SNTB1: variants seen among roughly 807,000 people sequenced by gnomAD.
The protein encoded by SNTB1 is beta-1-syntrophin.
In SNTB1, 36 loss-of-function variants were observed where a neutral mutation model predicts 48.9. That is an observed-to-expected ratio of 0.74 (90% CI 0.56 to 0.97). The LOEUF (loss-of-function observed/expected upper bound fraction) is 0.97, where lower values mean the gene tolerates loss of function less well. SNTB1 is among the 50% of genes least tolerant of loss of function. The probability of loss-of-function intolerance (pLI) is 0.00; values close to 1 mark genes in which losing one functional copy is unlikely to be tolerated. For missense variants in SNTB1, 786 were observed against 703.4 expected (o/e 1.12, Z -1.33); for synonymous variants, 299 against 294.6 (o/e 1.01, Z -0.15).
intron 2 of SNTB1, among the ~76,000 whole-genome samples, chr8:120,673,498 C>T (rs977677638): frequency 4.6e-5 from 7 of 152,018 alleles, no homozygotes; most frequent in African/African-American, 1.4e-4. Context: ...ACCATGTTGG[C>T]CAGGCTGGTC....
At chr8:120,761,700 G>C (rs1462830558) in intron 1 of SNTB1, among the ~76,000 whole-genome samples, 1 of 152,184 alleles carries the variant, frequency 6.6e-6, no homozygotes, top group Non-Finnish European at 1.5e-5. Flanking sequence ...TACATATGGG[G>C]TGATCATCAG....
chr8:120,646,136 C>T (rs1401108988), intron 2 of SNTB1, among the ~76,000 whole-genome samples: 17 of 139,686 alleles, frequency 1.2e-4, no homozygotes, highest in African/African-American at 4.5e-4. Context: ...TTCCTCTTTT[C>T]CTAATTGAAT....
At chr8:120,549,016 T>A (rs115233960) in intron 4 of SNTB1, 58 bp from the exon 5 acceptor site, 2 of 1,397,838 alleles carry the variant, frequency 1.4e-6, no homozygotes, top group Non-Finnish European at 1.9e-6. Flanking sequence ...TCACCTGGCA[T>A]ATCACCTTGT....
At chr8:120,544,601 T>G (rs983490045) in intron 5 of SNTB1, among the ~76,000 whole-genome samples, 1 of 152,160 alleles carries the variant, frequency 6.6e-6, no homozygotes, top group Non-Finnish European at 1.5e-5. Context: ...GAGTTCAGCT[T>G]ATTAGAGAAA....
chr8:120,639,414 T>C (rs933565328), intron 2 of SNTB1, among the ~76,000 whole-genome samples: 7 of 152,240 alleles, frequency 4.6e-5, no homozygotes, highest in African/African-American at 1.7e-4. Context: ...TTGTCAATTT[T>C]GGCTTTTGTT....
intron 2 of SNTB1, among the ~76,000 whole-genome samples, chr8:120,680,544 T>G (rs1817913759): frequency 6.6e-6 from 1 of 152,180 alleles, no homozygotes; most frequent in Admixed American, 6.5e-5. Flanking sequence ...AAACTCATTC[T>G]CCACTAAGGA....
chr8:120,677,391 T>C (rs1563849177), intron 2 of SNTB1, among the ~76,000 whole-genome samples: 1 of 152,218 alleles, frequency 6.6e-6, no homozygotes, highest in Non-Finnish European at 1.5e-5. Context: ...AAGGATGCTA[T>C]TTGCAAACTG....
intron 2 of SNTB1, among the ~76,000 whole-genome samples, chr8:120,657,573 C>T (rs1817523275): frequency 6.6e-6 from 1 of 152,154 alleles, no homozygotes; most frequent in African/African-American, 2.4e-5. Context: ...ACTTATACCT[C>T]TCCAAAAATA....
At chr8:120,639,394 T>G (rs1817144667) in intron 2 of SNTB1, among the ~76,000 whole-genome samples, 1 of 152,194 alleles carries the variant, frequency 6.6e-6, no homozygotes, top group Non-Finnish European at 1.5e-5. Context: ...TTAGTTTAAT[T>G]AGATGCCATT....
chr8:120,573,787 A>G (rs1815896825), intron 4 of SNTB1, among the ~76,000 whole-genome samples: 1 of 152,168 alleles, frequency 6.6e-6, no homozygotes, highest in Admixed American at 6.5e-5. Flanking sequence ...TGAAGAGAAT[A>G]TCCTTTCTCC....
At chr8:120,547,851 G>T (rs1451003278) in intron 5 of SNTB1, among the ~76,000 whole-genome samples, 1 of 152,144 alleles carries the variant, frequency 6.6e-6, no homozygotes, top group African/African-American at 2.4e-5. Flanking sequence ...ACTCTTCCCA[G>T]AACTGTCCCT....
intron 2 of SNTB1, among the ~76,000 whole-genome samples, chr8:120,687,051 G>A (rs147677730): frequency 1.7e-4 from 26 of 152,226 alleles, no homozygotes; most frequent in African/African-American, 5.5e-4. Flanking sequence ...CTTCATTCTC[G>A]ATGCACTAAA....
At chr8:120,632,746 T>C in intron 2 of SNTB1, 95 bp from the exon 3 acceptor site, 1 of 1,009,906 alleles carries the variant, frequency 9.9e-7, no homozygotes, top group Non-Finnish European at 1.5e-6. Flanking sequence ...CTTTACTCCT[T>C]CTTTTAGACT....
At chr8:120,809,771 T>C (rs1325932306) in intron 1 of SNTB1, among the ~76,000 whole-genome samples, 1 of 152,140 alleles carries the variant, frequency 6.6e-6, no homozygotes, top group Non-Finnish European at 1.5e-5. Context: ...GTTATGTTAA[T>C]CATCAAGCCA....
intron 2 of SNTB1, among the ~76,000 whole-genome samples, chr8:120,693,171 G>A (rs1270113442): frequency 6.6e-6 from 1 of 152,082 alleles, no homozygotes; most frequent in Admixed American, 6.6e-5. Flanking sequence ...ACTGCCTCGG[G>A]GCGGGCACCA....
At chr8:120,718,782 G>T (rs1818605571) in intron 1 of SNTB1, among the ~76,000 whole-genome samples, 1 of 152,076 alleles carries the variant, frequency 6.6e-6, no homozygotes, top group African/African-American at 2.4e-5. Context: ...CTACCAGGAA[G>T]AAATCAAAAT....
chr8:120,733,493 C>G (rs1447010502), intron 1 of SNTB1, among the ~76,000 whole-genome samples: 3 of 152,248 alleles, frequency 2.0e-5, no homozygotes, highest in Admixed American at 6.5e-5. Flanking sequence ...TTAAGCCAAC[C>G]AAGTAATATT....
At chr8:120,699,985 C>T (rs1346460204) in intron 1 of SNTB1, among the ~76,000 whole-genome samples, 1 of 152,098 alleles carries the variant, frequency 6.6e-6, no homozygotes, top group Non-Finnish European at 1.5e-5. Context: ...TGTGTACTAA[C>T]TCATTTGAAC....
At chr8:120,571,390 A>C in intron 4 of SNTB1, 1 of 1,265,464 alleles carries the variant, frequency 7.9e-7, no homozygotes. Flanking sequence ...ACAGAAAGCA[A>C]TAGCGATTGG....
Sources: allele counts gnomAD v4.1 joint callset (sites outside exome capture counted in the v4.1 genomes callset), GRCh38; gene constraint gnomAD v4.1.1; transcripts MANE v1.5; gene names NCBI Gene and HGNC (gene_info 2026-07-23, HGNC 2026-07-21).